Variants in TTC7B observed in about 807,000 individuals in gnomAD.
TTC7B encodes tetratricopeptide repeat domain 7B, also known as tetratricopeptide repeat protein 7B.
A neutral mutation model predicts 106.8 loss-of-function variants in TTC7B; 28 were observed. That is an observed-to-expected ratio of 0.26 (90% CI 0.19 to 0.36). The LOEUF is 0.36. TTC7B is among the 10% of genes least tolerant of loss of function. TTC7B has a pLI of 1.00. For synonymous variants in TTC7B, 405 were observed against 430.6 expected, an observed-to-expected ratio of 0.94 and a Z score of 0.74; for missense variants, 862 against 1,076.4, an observed-to-expected ratio of 0.80 and a Z score of 2.79.
At chr14:90,798,732 A>AAAAAAAAAAAAAC (rs869302614) in intron 1 of TTC7B, among the ~76,000 whole-genome samples, 1 of 147,006 alleles carries the variant, frequency 6.8e-6, no homozygotes, top group Non-Finnish European at 1.5e-5. Flanking sequence ...AAAAAAAAAA[A>AAAAAAAAAAAAAC]CACGCAATAA....
chr14:90,732,113 T>C (rs921277794), intron 4 of TTC7B, among the ~76,000 whole-genome samples: 56 of 152,290 alleles, frequency 3.7e-4, no homozygotes, highest in Middle Eastern at 3.4e-3. Context: ...AAGATAAAAA[T>C]CATTTTACAA....
chr14:90,811,426 A>G (rs955803021), intron 1 of TTC7B, among the ~76,000 whole-genome samples: 4 of 152,280 alleles, frequency 2.6e-5, no homozygotes, highest in African/African-American at 9.6e-5. Context: ...GTTAAACCTC[A>G]GTCCTGTTTC....
intron 17 of TTC7B, chr14:90,602,254 G>A: frequency 4.4e-6 from 2 of 455,958 alleles, no homozygotes; most frequent in South Asian, 3.1e-5. Flanking sequence ...CAAAGTGCGG[G>A]ACTTCTCAGA....
intron 4 of TTC7B, among the ~76,000 whole-genome samples, chr14:90,743,782 GA>G (rs34408594): frequency 0.69 from 104,774 of 152,100 alleles, 36,368 homozygotes; most frequent in African/African-American, 0.76. Flanking sequence ...TTTATGGACG[GA>G]AAAAATCGAG....
chr14:90,595,707 A>T (rs1204178193), intron 17 of TTC7B, among the ~76,000 whole-genome samples: 1 of 152,146 alleles, frequency 6.6e-6, no homozygotes, highest in Non-Finnish European at 1.5e-5. Context: ...TTAACTTCAC[A>T]TCAAAATCAT....
rs1886291808 is a variant in TTC7B, at chr14:90,663,582, A to G, written c.1153-5195T>C. On this transcript the variant is annotated intron_variant, in intron 9 of 19. Coordinates refer to ENST00000328459, the MANE Select transcript of TTC7B (RefSeq NM_001010854.2). The surrounding 1 kb of genome is among the most constrained non-coding windows in gnomAD (Gnocchi z 4.5). ...CAGCACCACGGCAGCCAGTGGTGCC[A>G]CGTCTCCAGCCCATCGCAAAGTTCT... Among the ~76,000 whole-genome samples, 1 of 152,176 alleles carries G rather than the reference A, an allele frequency of 6.6e-6. No homozygotes were observed. The highest frequency in any genetic ancestry group is 6.5e-5 in the Admixed American group (1 of 15,278).
intron 5 of TTC7B, among the ~76,000 whole-genome samples, chr14:90,726,990 T>C (rs1370268997): frequency 6.8e-6 from 1 of 146,560 alleles, no homozygotes; most frequent in Non-Finnish European, 1.5e-5. Flanking sequence ...TCCTGCCTCA[T>C]AAGGAAAGAG....
At position 90,742,244 on chromosome 14, in the gene TTC7B, T is replaced by C. The variant is rs1889796572; in HGVS notation, c.576+2548A>G. On this transcript the variant is annotated intron_variant, in intron 4 of 19. Transcript: ENST00000328459. This position sits in a 1 kb window ranked among gnomAD's most constrained non-coding sequence, Gnocchi z 4.1. ...TTCGTTTCGTTCGCTTCTTTCTTTC[T>C]TCCTTTCTTTCTTTTTTTTCTTTTG... is the stretch of plus-strand genomic sequence containing the variant. Among the ~76,000 whole-genome samples, 1 of 151,166 alleles carries C rather than the reference T, an allele frequency of 6.6e-6. No homozygotes were observed.
intron 1 of TTC7B, among the ~76,000 whole-genome samples, chr14:90,797,331 C>A (rs531817404): frequency 6.9e-6 from 1 of 145,460 alleles, no homozygotes; most frequent in South Asian, 2.3e-4. Flanking sequence ...GTGGCACACA[C>A]CTGTTAATCC....
chr14:90,555,904 C>T (rs867582758), intron 19 of TTC7B, among the ~76,000 whole-genome samples: 74 of 152,380 alleles, frequency 4.9e-4, no homozygotes, highest in African/African-American at 1.8e-3. Flanking sequence ...GGTGCTGCTG[C>T]TGGTAGGGTC....
chr14:90,547,328 C>T (rs896171153), intron 19 of TTC7B, among the ~76,000 whole-genome samples: 2 of 152,262 alleles, frequency 1.3e-5, no homozygotes, highest in Non-Finnish European at 2.9e-5. Flanking sequence ...ATCTTCCTCG[C>T]TTTTGCCTTT....
At chr14:90,679,986 G>C (rs1270942623) in intron 8 of TTC7B, among the ~76,000 whole-genome samples, 3 of 152,250 alleles carry the variant, frequency 2.0e-5, no homozygotes, top group African/African-American at 7.2e-5. Context: ...AACAAGGGCA[G>C]GAGGATGAGA....
intron 9 of TTC7B, chr14:90,676,189 C>T (rs538023038): frequency 8.7e-6 from 2 of 229,160 alleles, no homozygotes; most frequent in Non-Finnish European, 1.7e-5. Flanking sequence ...TAAAGGAAAC[C>T]TGTTCTATGA....
At chr14:90,598,763 T>G (rs1330297201) in intron 17 of TTC7B, among the ~76,000 whole-genome samples, 3 of 152,232 alleles carry the variant, frequency 2.0e-5, no homozygotes, top group Non-Finnish European at 4.4e-5. Context: ...ATGGTGAATT[T>G]CACATAGACC....
chr14:90,684,977 C>A (rs1887200235), intron 7 of TTC7B, among the ~76,000 whole-genome samples: 1 of 152,192 alleles, frequency 6.6e-6, no homozygotes, highest in Non-Finnish European at 1.5e-5. Flanking sequence ...GACAGGTGAT[C>A]CCTCTTCTCA....
At chr14:90,588,585 TC>T (rs772935634) in intron 18 of TTC7B, among the ~76,000 whole-genome samples, 10 of 152,156 alleles carry the variant, frequency 6.6e-5, no homozygotes, top group Non-Finnish European at 1.3e-4. Context: ...AGGAACCATG[TC>T]TTGAGGTGCC....
chr14:90,713,297 G>T (rs1274061864), intron 5 of TTC7B, among the ~76,000 whole-genome samples: 1 of 152,040 alleles, frequency 6.6e-6, no homozygotes, highest in African/African-American at 2.4e-5. Context: ...TGTATTTTTA[G>T]TAGAGACAGG....
chr14:90,701,192 G>A (rs1226527223), intron 5 of TTC7B, among the ~76,000 whole-genome samples: 3 of 152,148 alleles, frequency 2.0e-5, no homozygotes, highest in Admixed American at 2.0e-4. Context: ...GAACAAGCAG[G>A]CGAGGCTTCC....
At chr14:90,766,134 C>CGTT (rs1890669079) in intron 3 of TTC7B, among the ~76,000 whole-genome samples, 2 of 105,978 alleles carry the variant, frequency 1.9e-5, no homozygotes, top group African/African-American at 4.4e-5. Flanking sequence ...CAGCCTACAA[C>CGTT]GTTTTTTTTT....
Sources: allele counts gnomAD v4.1 joint callset (sites outside exome capture counted in the v4.1 genomes callset), GRCh38; gene constraint gnomAD v4.1.1; non-coding constraint Gnocchi (gnomAD v3.1); transcripts MANE v1.5; gene names NCBI Gene and HGNC (gene_info 2026-07-23, HGNC 2026-07-21).